The following ZNF274 variants were observed in gnomAD, a reference collection of about 807,000 sequenced individuals.
ZNF274 encodes the protein zinc finger protein 274, also known as neurotrophin receptor-interacting factor homolog.
Under a neutral mutation model 42.5 loss-of-function variants are expected in ZNF274, and 23 were observed. That is an observed-to-expected ratio of 0.54 (90% CI 0.39 to 0.77). The LOEUF is 0.77. ZNF274 is among the 30% of genes least tolerant of loss of function. ZNF274 has a pLI of 0.00. For synonymous variants in ZNF274, 292 were observed against 305.4 expected, an observed-to-expected ratio of 0.96 and a Z score of 0.46; for missense variants, 679 against 806.5, an observed-to-expected ratio of 0.84 and a Z score of 1.91.
chr19:58,196,348 C>T (rs982087795), intron 4 of ZNF274, among the ~76,000 whole-genome samples: 1 of 152,168 alleles, frequency 6.6e-6, no homozygotes, highest in East Asian at 1.9e-4. Flanking sequence ...ATCATTTGAG[C>T]TCAGGGGTTT....
intron 4 of ZNF274, among the ~76,000 whole-genome samples, chr19:58,191,244 T>G (rs1461904798): frequency 1.3e-5 from 2 of 152,142 alleles, no homozygotes. Flanking sequence ...TTCAAGTGAT[T>G]CTCCTGCCTC....
chr19:58,203,168 C>A (rs982527377), intron 4 of ZNF274, among the ~76,000 whole-genome samples: 7 of 152,098 alleles, frequency 4.6e-5, no homozygotes, highest in Non-Finnish European at 1.0e-4. Context: ...CCACTTAGCC[C>A]CCCCCCAGGA....
intron 4 of ZNF274, among the ~76,000 whole-genome samples, chr19:58,200,542 G>A (rs2075897508): frequency 6.6e-6 from 1 of 152,170 alleles, no homozygotes; most frequent in African/African-American, 2.4e-5. Context: ...AGGAGGTGAC[G>A]TTTGAGCTCA....
chr19:58,199,364 T>TAA (rs112362911), intron 4 of ZNF274, among the ~76,000 whole-genome samples: 1 of 145,208 alleles, frequency 6.9e-6, no homozygotes, highest in Non-Finnish European at 1.5e-5. Flanking sequence ...AGACTCTGTC[T>TAA]AAAAAAAAAA....
chr19:58,194,371 CTT>C (rs766266627), intron 4 of ZNF274, among the ~76,000 whole-genome samples: 17 of 64,170 alleles, frequency 2.6e-4, no homozygotes, highest in South Asian at 1.3e-3. Context: ...TGTTTTTTAC[CTT>C]TTTTTTTTTT....
intron 4 of ZNF274, among the ~76,000 whole-genome samples, chr19:58,193,032 A>G (rs2075796382): frequency 6.7e-6 from 1 of 149,986 alleles, no homozygotes; most frequent in Non-Finnish European, 1.5e-5. Flanking sequence ...TGTTTGGCAC[A>G]TCATTCATTT....
chr19:58,194,656 C>G (rs887319044), intron 4 of ZNF274, among the ~76,000 whole-genome samples: 3 of 151,964 alleles, frequency 2.0e-5, no homozygotes, highest in Non-Finnish European at 2.9e-5. Flanking sequence ...GCTGGGATTA[C>G]AGGTGTGAGC....
At position 58,211,762 on chromosome 19, in the gene ZNF274, C is replaced by A; in HGVS notation, c.979+76C>A. The A allele has an allele frequency of 6.5e-7, 1 of 1,529,788 alleles. No homozygotes were observed. The highest frequency in any genetic ancestry group is 8.8e-7 in the Non-Finnish European group (1 of 1,135,954). The allele number at this position is 1,529,788 out of a possible 1,614,324, so 94.8% of individuals were successfully genotyped here. ...GCCCCAAGTCAGGGGTGTTCACCTT[C>A]TCTAGACTCCACACTGGGCATTCCC... is the stretch of plus-strand genomic sequence containing the variant. On this transcript the variant is annotated intron_variant, in intron 7 of 7. Coordinates refer to ENST00000617501, the MANE Select transcript of ZNF274 (RefSeq NM_133502.3). The surrounding 1 kb of genome is among the most constrained non-coding windows in gnomAD (Gnocchi z 4.8).
rs1224964831 is a variant in ZNF274, at chr19:58,206,945, G to A, written c.482G>A (p.Arg161His). ...CATCCAGGTGACCCTGAGGCCGCGC[G>A]CCAGAGGTTCCGGCAGTTCCGTTAT... ...GKHPGDPEAA[R>H]QRFRQFRYKD... Residue 161 changes from arginine to histidine, a missense_variant, in exon 5 of 8, where the codon CGC (arginine) becomes CAC (histidine). Arg to His is a conservative substitution (Grantham distance 29). Transcript: ENST00000617501. 12 of 1,611,350 alleles carry A rather than the reference G, an allele frequency of 7.4e-6. No individual in the cohort carries two copies. The highest frequency in any genetic ancestry group is 2.2e-5 in the South Asian group (2 of 90,654).
rs1305349640 is a variant in ZNF274, at chr19:58,209,970, C to G, written c.749C>G (p.Ala250Gly). 5.0e-6 allele frequency: 8 copies of G among 1,611,856 alleles called. No individual in the cohort carries two copies. Among genetic ancestry groups the G allele is most frequent in the Non-Finnish European group, 6.8e-6 (8 of 1,179,236 alleles). Residue 250 changes from alanine (A) to glycine (G), a missense_variant, in exon 6 of 8, where the codon GCA (alanine) becomes GGA (glycine). Transcript: ENST00000617501. ...TWMSEEEVLP[A>G]GQPAEGTTCC... ...TGGTGTCTCCTCCCAGTACTTCCTG[C>G]AGGACAACCTGCCGAGGGCACCACC...
chr19:58,205,978 A>C (rs1450841516), intron 4 of ZNF274, among the ~76,000 whole-genome samples: 2 of 152,208 alleles, frequency 1.3e-5, no homozygotes, highest in Non-Finnish European at 2.9e-5. Context: ...TGTACAGTTC[A>C]GTGTTTTTAA....
chr19:58,202,455 A>C (rs2075924189), intron 4 of ZNF274: 1 of 152,232 alleles, frequency 6.6e-6, no homozygotes, highest in South Asian at 2.1e-4. Flanking sequence ...CTCTTGATTA[A>C]ACCCCTTGCT....
intron 4 of ZNF274, among the ~76,000 whole-genome samples, chr19:58,205,739 T>C (rs1414985099): frequency 6.6e-6 from 1 of 152,204 alleles, no homozygotes; most frequent in Non-Finnish European, 1.5e-5. Context: ...TGGAGTTCAG[T>C]TTAGCAATGT....
At position 58,211,835 on chromosome 19, in the gene ZNF274, C is replaced by T. The variant is rs2076044202; in HGVS notation, c.979+149C>T. ...AGGGCCTGTAAGTGGAACTGTAGAC[C>T]TAGAGGGGTGAGGTCACTGGGTGGC... On this transcript the variant is annotated intron_variant, in intron 7 of 7. Transcript: ENST00000617501. This position sits in a 1 kb window ranked among gnomAD's most constrained non-coding sequence, Gnocchi z 4.8. The T allele has an allele frequency of 5.6e-6, 7 of 1,251,994 alleles. No individual in the cohort carries two copies. The highest frequency in any genetic ancestry group is 1.5e-5 in the African/African-American group (1 of 65,984). 77.6% of individuals were successfully genotyped at this position (1,251,994 alleles called of 1,614,324 possible).
At chr19:58,194,750 A>G (rs1017584951) in intron 4 of ZNF274, among the ~76,000 whole-genome samples, 4 of 149,652 alleles carry the variant, frequency 2.7e-5, no homozygotes, top group African/African-American at 7.3e-5. Context: ...GCTGATGTCT[A>G]TAATGCCAGC....
At position 58,212,131 on chromosome 19, in the gene ZNF274, G is replaced by A. The variant is rs757038963; in HGVS notation, c.980-30G>A. On this transcript the variant is annotated intron_variant, in intron 7 of 7. Coordinates refer to ENST00000617501, the MANE Select transcript of ZNF274 (RefSeq NM_133502.3). This position sits in a 1 kb window ranked among gnomAD's most constrained non-coding sequence, Gnocchi z 4.6. ...ACCCATCCCAGCACATCTCTCTATG[G>A]GATCCACATCTTTTGTTTATTTTTT... 6.4e-7 allele frequency: 1 copy of A among 1,573,130 alleles called. No individual in the cohort carries two copies. Among genetic ancestry groups the A allele is most frequent in the Non-Finnish European group, 8.6e-7 (1 of 1,167,566 alleles).
chr19:58,204,511 C>T (rs543987418), intron 4 of ZNF274, among the ~76,000 whole-genome samples: 32 of 152,096 alleles, frequency 2.1e-4, no homozygotes, highest in African/African-American at 7.2e-4. Flanking sequence ...TCGGCGGGTG[C>T]GTGAGAGACC....
At chr19:58,202,401 C>T (rs1705190069) in intron 4 of ZNF274, 1 of 152,258 alleles carries the variant, frequency 6.6e-6, no homozygotes, top group African/African-American at 2.4e-5. Context: ...ACTTTGGTAT[C>T]TCATCACTTT....
Position 58,183,119 on chromosome 19 carries a change from C to G in ZNF274, c.-369C>G, listed in dbSNP as rs551473341. The G allele has an allele frequency of 1.0e-3, 159 of 152,786 alleles. 1 individual carries two copies. In the Middle Eastern group the frequency reaches 0.013, roughly 13 times the overall value. The allele number at this position is 152,786 out of a possible 1,614,324, so 9.5% of individuals were successfully genotyped here. A position where few individuals can be genotyped will look rare whatever the true frequency, so the allele number is the denominator to read the frequency against. ...GCCTTTCCTTTCTCCAGCTTCTGCT[C>G]TGCCCCAAGAGTGGTCGCCTTCGTG... On this transcript the variant is annotated 5_prime_UTR_variant, in exon 1 of 8. Transcript: ENST00000617501.
Sources: gnomAD v4.1 joint callset for allele counts (sites outside exome capture counted in the v4.1 genomes callset) on GRCh38, gnomAD v4.1.1 for gene constraint, Gnocchi (gnomAD v3.1) non-coding constraint, MANE v1.5 for transcripts, NCBI Gene and HGNC (gene_info 2026-07-23, HGNC 2026-07-21) for gene names.